The following TBCA variants were observed in gnomAD, a reference collection of about 807,000 sequenced individuals.
The protein encoded by TBCA is tubulin-specific chaperone A.
A neutral mutation model predicts 15.8 loss-of-function variants in TBCA; 6 were observed. The observed-to-expected ratio is 0.38, with a 90% CI of 0.21 to 0.75. The LOEUF (loss-of-function observed/expected upper bound fraction) is 0.75. Ranked by LOEUF, TBCA falls within the 30% of genes least tolerant of loss-of-function variation. The probability of loss-of-function intolerance (pLI) is 0.46; values close to 1 mark genes in which losing one functional copy is unlikely to be tolerated. For missense variants in TBCA, 90 were observed against 131.2 expected, an observed-to-expected ratio of 0.69 and a Z score of 1.53; for synonymous variants, 32 against 42.3, an observed-to-expected ratio of 0.76 and a Z score of 0.94.
At chr5:77,707,002 T>G (rs1005530748) in intron 2 of TBCA, among the ~76,000 whole-genome samples, 1 of 152,054 alleles carries the variant, frequency 6.6e-6, no homozygotes, top group Non-Finnish European at 1.5e-5. Flanking sequence ...TGTTTTTTGT[T>G]TGGGAGAGTA....
At chr5:77,731,912 T>C (rs530096674) in intron 1 of TBCA, among the ~76,000 whole-genome samples, 9 of 152,280 alleles carry the variant, frequency 5.9e-5, no homozygotes, top group Admixed American at 4.6e-4. Flanking sequence ...CTAGCAGAGT[T>C]TCACTGATTT....
chr5:77,715,012 G>A (rs1746366871), intron 1 of TBCA, among the ~76,000 whole-genome samples: 1 of 152,198 alleles, frequency 6.6e-6, no homozygotes, highest in East Asian at 1.9e-4. Context: ...ATGTTAGATT[G>A]TGAAAAGTGC....
intron 2 of TBCA, among the ~76,000 whole-genome samples, chr5:77,706,371 G>A (rs1310069329): frequency 6.6e-6 from 1 of 152,160 alleles, no homozygotes; most frequent in Non-Finnish European, 1.5e-5. Context: ...TTATTTAGTT[G>A]TTGTGGTGGG....
chr5:77,773,914 G>C (rs762904322), intron 1 of TBCA, among the ~76,000 whole-genome samples: 8 of 152,142 alleles, frequency 5.3e-5, no homozygotes, highest in Non-Finnish European at 7.4e-5. Flanking sequence ...TCTTGGGTCT[G>C]AACAATAAAG....
chr5:77,697,754 C>G (rs965268127), intron 2 of TBCA, among the ~76,000 whole-genome samples: 1 of 151,894 alleles, frequency 6.6e-6, no homozygotes, highest in African/African-American at 2.4e-5. Context: ...AAACCTAAAA[C>G]AAGCAGAAGG....
chr5:77,757,358 C>G (rs1747499217), intron 1 of TBCA, among the ~76,000 whole-genome samples: 1 of 152,122 alleles, frequency 6.6e-6, no homozygotes, highest in South Asian at 2.1e-4. Flanking sequence ...ATCCTAGAGG[C>G]AGGAAAAAAA....
In TBCA at chr5:77,713,165, A is replaced by C. The variant is rs868271361; in HGVS notation, c.54-4818T>G. On this transcript the variant is annotated intron_variant, in intron 1 of 3. Coordinates refer to ENST00000380377, the MANE Select transcript of TBCA (RefSeq NM_004607.3). ...TTAAAAATTAGCCAGGCGTGGTGGC[A>C]TGCCTTTGTAGTTCCAGCTACTCAG... is the stretch of plus-strand genomic sequence containing the variant. Among the ~76,000 whole-genome samples the C allele has an allele frequency of 2.6e-5, 4 of 152,218 alleles. No individual in the cohort carries two copies. The South Asian group carries it at 8.3e-4, about 32-fold the overall frequency.
At chr5:77,739,496 A>C (rs968060878) in intron 1 of TBCA, among the ~76,000 whole-genome samples, 2 of 152,196 alleles carry the variant, frequency 1.3e-5, no homozygotes, top group African/African-American at 4.8e-5. Context: ...TCTATAGAGA[A>C]GGCCAATCAT....
intron 2 of TBCA, among the ~76,000 whole-genome samples, chr5:77,697,070 A>C (rs1745888908): frequency 6.6e-6 from 1 of 152,224 alleles, no homozygotes. Flanking sequence ...TGCATGCATT[A>C]AACAACAGAG....
At chr5:77,735,425 T>G (rs1746877306) in intron 1 of TBCA, among the ~76,000 whole-genome samples, 2 of 152,152 alleles carry the variant, frequency 1.3e-5, no homozygotes, top group Non-Finnish European at 2.9e-5. Context: ...ACAATCCAAA[T>G]TTAGCATCCT....
intron 1 of TBCA, among the ~76,000 whole-genome samples, chr5:77,766,414 C>T (rs1029264943): frequency 6.6e-6 from 1 of 151,950 alleles, no homozygotes; most frequent in Non-Finnish European, 1.5e-5. Flanking sequence ...AAATACTATC[C>T]TGAAAAATGT....
chr5:77,757,053 T>C (rs868087202), intron 1 of TBCA, among the ~76,000 whole-genome samples: 2 of 152,322 alleles, frequency 1.3e-5, no homozygotes, highest in African/African-American at 4.8e-5. Flanking sequence ...CTTGGTTTTA[T>C]TCTGGTTTTC....
chr5:77,753,235 T>C (rs1173102616), intron 1 of TBCA, among the ~76,000 whole-genome samples: 1 of 152,204 alleles, frequency 6.6e-6, no homozygotes, highest in Non-Finnish European at 1.5e-5. Flanking sequence ...AAATTAACCT[T>C]ACCAAAGATT....
At chr5:77,772,743 C>A (rs551611131) in intron 1 of TBCA, among the ~76,000 whole-genome samples, 12 of 152,220 alleles carry the variant, frequency 7.9e-5, no homozygotes, top group African/African-American at 2.9e-4. Flanking sequence ...GTATGGGAGA[C>A]ACTTCCATTA....
At chr5:77,772,422 C>A (rs1747936657) in intron 1 of TBCA, among the ~76,000 whole-genome samples, 1 of 151,828 alleles carries the variant, frequency 6.6e-6, no homozygotes, top group Non-Finnish European at 1.5e-5. Flanking sequence ...ACATGTGTAC[C>A]TATATAACAA....
At chr5:77,767,858 C>T (rs1467192381) in intron 1 of TBCA, among the ~76,000 whole-genome samples, 1 of 152,174 alleles carries the variant, frequency 6.6e-6, no homozygotes, top group Non-Finnish European at 1.5e-5. Flanking sequence ...TTTGAATGTT[C>T]GTATCCCTCC....
At chr5:77,760,286 T>G (rs1211947069) in intron 1 of TBCA, among the ~76,000 whole-genome samples, 1 of 152,184 alleles carries the variant, frequency 6.6e-6, no homozygotes, top group East Asian at 1.9e-4. Context: ...CCAGTTTATG[T>G]AAGGAAAAAA....
intron 1 of TBCA, among the ~76,000 whole-genome samples, chr5:77,726,091 G>C (rs575284454): frequency 5.9e-5 from 9 of 152,348 alleles, no homozygotes; most frequent in African/African-American, 2.2e-4. Flanking sequence ...TGTAGCCAGT[G>C]CCAGTTCAAG....
chr5:77,716,928 G>A (rs1267346149), intron 1 of TBCA, among the ~76,000 whole-genome samples: 1 of 152,140 alleles, frequency 6.6e-6, no homozygotes, highest in Admixed American at 6.6e-5. Context: ...ACGTGCAAAT[G>A]ACCCAACTCT....
Sources: gnomAD v4.1 joint callset for allele counts (sites outside exome capture counted in the v4.1 genomes callset) on GRCh38, gnomAD v4.1.1 for gene constraint, MANE v1.5 for transcripts, NCBI Gene and HGNC (gene_info 2026-07-23, HGNC 2026-07-21) for gene names.